GRM8: variants seen among roughly 807,000 people sequenced by gnomAD.
GRM8 encodes glutamate metabotropic receptor 8.
In GRM8, 47 loss-of-function variants were observed where a neutral mutation model predicts 87.2. That is an observed-to-expected ratio of 0.54 (90% CI 0.43 to 0.69). The LOEUF is 0.69. Ranked by LOEUF, GRM8 falls within the 30% of genes least tolerant of loss-of-function variation. The probability of loss-of-function intolerance (pLI) is 0.00; values close to 1 mark genes in which losing one functional copy is unlikely to be tolerated. For missense variants in GRM8, 1,019 were observed against 1,139.2 expected, an observed-to-expected ratio of 0.89 and a Z score of 1.52; for synonymous variants, 396 against 404.5, an observed-to-expected ratio of 0.98 and a Z score of 0.25.
At chr7:127,149,758 C>T (rs998255823) in intron 2 of GRM8, among the ~76,000 whole-genome samples, 7 of 151,882 alleles carry the variant, frequency 4.6e-5, no homozygotes, top group Non-Finnish European at 8.8e-5. Context: ...CTACTTGCCA[C>T]GACATGGATG....
chr7:127,011,123 T>C (rs747169866), intron 3 of GRM8, among the ~76,000 whole-genome samples: 8 of 152,128 alleles, frequency 5.3e-5, no homozygotes, highest in Non-Finnish European at 1.0e-4. Flanking sequence ...TAGGAGACAT[T>C]TCTTTTGACC....
intron 2 of GRM8, among the ~76,000 whole-genome samples, chr7:127,207,414 C>T (rs563395215): frequency 2.0e-5 from 3 of 152,084 alleles, no homozygotes; most frequent in African/African-American, 4.8e-5. Flanking sequence ...TTTACTTATT[C>T]GACAAATGCT....
chr7:127,043,068 C>A (rs1339596157), intron 3 of GRM8, among the ~76,000 whole-genome samples: 2 of 152,164 alleles, frequency 1.3e-5, no homozygotes, highest in South Asian at 2.1e-4. Context: ...CAATGAGATA[C>A]CATCTCACAC....
chr7:126,654,687 T>A (rs1394236256), intron 7 of GRM8, among the ~76,000 whole-genome samples: 1 of 152,234 alleles, frequency 6.6e-6, no homozygotes, highest in Non-Finnish European at 1.5e-5. Context: ...ATCATTAAAC[T>A]TTCAATAACA....
chr7:126,992,573 T>C (rs1812764457), intron 3 of GRM8, among the ~76,000 whole-genome samples: 1 of 152,148 alleles, frequency 6.6e-6, no homozygotes, highest in African/African-American at 2.4e-5. Flanking sequence ...TCATTAAAAA[T>C]TACAAATTAT....
At chr7:127,077,550 C>T (rs1822411552) in intron 3 of GRM8, among the ~76,000 whole-genome samples, 1 of 152,142 alleles carries the variant, frequency 6.6e-6, no homozygotes, top group African/African-American at 2.4e-5. Flanking sequence ...AATCAAACCC[C>T]TTCCAAAGAC....
In GRM8 at chr7:126,770,082, T is replaced by C; in HGVS notation, c.1157-17A>G. 4 of 1,572,150 alleles carry C rather than the reference T, an allele frequency of 2.5e-6. No individual in the cohort carries two copies. Among genetic ancestry groups the C allele is most frequent in the Non-Finnish European group, 3.5e-6 (4 of 1,147,312 alleles). ...GCTCCAGCCCTGCAAAATAAAAAAG[T>C]AAAAACCATCAGTTGATGTTAGATT... On this transcript the variant is annotated splice_polypyrimidine_tract_variant and intron_variant, in intron 6 of 10. Coordinates refer to ENST00000339582, the MANE Select transcript of GRM8 (RefSeq NM_000845.3).
chr7:126,650,902 A>G (rs1318188396), intron 7 of GRM8, among the ~76,000 whole-genome samples: 1 of 151,806 alleles, frequency 6.6e-6, no homozygotes, highest in Non-Finnish European at 1.5e-5. Flanking sequence ...ATGGACTTCC[A>G]CTCACCAAGG....
At chr7:126,440,465 C>T (rs1801345265) in intron 10 of GRM8, among the ~76,000 whole-genome samples, 1 of 149,000 alleles carries the variant, frequency 6.7e-6, no homozygotes, top group Non-Finnish European at 1.5e-5. Flanking sequence ...TAGGACTTCA[C>T]ATTCAATCAC....
intron 6 of GRM8, among the ~76,000 whole-genome samples, chr7:126,895,766 C>T (rs890742768): frequency 5.1e-4 from 77 of 151,982 alleles, no homozygotes; most frequent in African/African-American, 1.8e-3. Flanking sequence ...AAGGTTTACG[C>T]TGTTCAAGAC....
At chr7:126,649,336 C>T (rs1002570560) in intron 7 of GRM8, among the ~76,000 whole-genome samples, 2 of 152,090 alleles carry the variant, frequency 1.3e-5, no homozygotes, top group Admixed American at 1.3e-4. Flanking sequence ...ATAAAGCAGG[C>T]AGAAAAACAT....
At chr7:126,910,987 T>A (rs1163169968) in intron 3 of GRM8, among the ~76,000 whole-genome samples, 1 of 152,196 alleles carries the variant, frequency 6.6e-6, no homozygotes, top group Admixed American at 6.5e-5. Context: ...TCAGGTATAC[T>A]GTGAGAATCC....
In GRM8 at chr7:126,685,583, TG is replaced by T. The variant is rs917917847; in HGVS notation, c.1358-76086del. Reference sequence around the variant, plus strand: ...GTATGCTCTGATCTTGGAGTAAGGTTGGGGCCAAGCCTGAGCACTGTTGCAG... The same window carrying T: ...GTATGCTCTGATCTTGGAGTAAGGTTGGGCCAAGCCTGAGCACTGTTGCAG... On this transcript the variant is annotated intron_variant, in intron 7 of 10. Transcript: ENST00000339582. The surrounding 1 kb of genome is among the most constrained non-coding windows in gnomAD (Gnocchi z 4.2). 6.6e-6 allele frequency among the ~76,000 whole-genome samples: 1 copy of T among 152,194 alleles called. No homozygotes were observed. The highest frequency in any genetic ancestry group is 6.5e-5 in the Admixed American group (1 of 15,290).
chr7:126,760,284 T>C (rs1817461458), intron 7 of GRM8, among the ~76,000 whole-genome samples: 1 of 152,190 alleles, frequency 6.6e-6, no homozygotes, highest in African/African-American at 2.4e-5. Flanking sequence ...AGTAGGACTC[T>C]AGGAAGAGCT....
intron 7 of GRM8, among the ~76,000 whole-genome samples, chr7:126,618,220 C>T (rs1310293615): frequency 6.6e-6 from 1 of 152,100 alleles, no homozygotes; most frequent in Non-Finnish European, 1.5e-5. Context: ...AGAAATAATA[C>T]CACACATCTA....
intron 2 of GRM8, among the ~76,000 whole-genome samples, chr7:127,206,452 C>T (rs1795918049): frequency 6.6e-6 from 1 of 152,134 alleles, no homozygotes; most frequent in Non-Finnish European, 1.5e-5. Context: ...AGGTTAGCCT[C>T]AAGATATGTG....
At chr7:126,905,566 A>T (rs758423968) in intron 3 of GRM8, among the ~76,000 whole-genome samples, 1 of 152,234 alleles carries the variant, frequency 6.6e-6, no homozygotes, top group Non-Finnish European at 1.5e-5. Context: ...CACCATTTAT[A>T]GCATTGCTTC....
intron 9 of GRM8, among the ~76,000 whole-genome samples, chr7:126,472,675 T>G (rs139187835): frequency 6.6e-6 from 1 of 152,212 alleles, no homozygotes; most frequent in African/African-American, 2.4e-5. Context: ...AAATGTTCAC[T>G]GCCACGACAA....
At chr7:126,950,204 TG>T (rs1807982419) in intron 3 of GRM8, among the ~76,000 whole-genome samples, 1 of 152,222 alleles carries the variant, frequency 6.6e-6, no homozygotes, top group Admixed American at 6.5e-5. Context: ...TATTCAATTT[TG>T]TTTCACACTT....
Sources: allele counts gnomAD v4.1 joint callset (sites outside exome capture counted in the v4.1 genomes callset), GRCh38; gene constraint gnomAD v4.1.1; non-coding constraint Gnocchi (gnomAD v3.1); transcripts MANE v1.5; gene names NCBI Gene and HGNC (gene_info 2026-07-23, HGNC 2026-07-21).